TP63: variants seen among roughly 807,000 people sequenced by gnomAD.
TP63 encodes the protein tumor protein 63.
A neutral mutation model predicts 82.8 loss-of-function variants in TP63; 17 were observed. The ratio of observed to expected loss-of-function variants is 0.21; its 90% CI spans 0.14 to 0.31. The LOEUF (loss-of-function observed/expected upper bound fraction) is 0.31. TP63 is among the 10% of genes least tolerant of loss of function. The pLI, the probability that TP63 is intolerant of heterozygous loss-of-function variation, is 1.00. For missense variants in TP63, 648 were observed against 895.3 expected (o/e 0.72, Z 3.52); for synonymous variants, 330 against 321.7 (o/e 1.03, Z -0.28).
chr3:189,732,222 G>A (rs1043113716), intron 1 of TP63, among the ~76,000 whole-genome samples: 3 of 151,430 alleles, frequency 2.0e-5, no homozygotes, highest in African/African-American at 7.3e-5. Flanking sequence ...AGGATATCTG[G>A]AAACACAAGC....
intron 1 of TP63, among the ~76,000 whole-genome samples, chr3:189,677,924 C>G (rs1715587696): frequency 6.6e-6 from 1 of 151,678 alleles, no homozygotes; most frequent in Non-Finnish European, 1.5e-5. Flanking sequence ...TGTACTTTGC[C>G]CGTTTTTTCA....
the TP63 span, among the ~76,000 whole-genome samples, chr3:189,621,548 T>C: frequency 0.014 from 2,051 of 150,858 alleles, 25 homozygotes; most frequent in East Asian, 0.046. Flanking sequence ...CATATGAATA[T>C]AAGTAAATAT....
intron 1 of TP63, among the ~76,000 whole-genome samples, chr3:189,720,483 C>T (rs147239638): frequency 3.2e-4 from 48 of 152,088 alleles, no homozygotes; most frequent in African/African-American, 1.1e-3. Flanking sequence ...AGACTGAATC[C>T]CAGCACTTTG....
At chr3:189,702,937 T>C (rs1717920468) in intron 1 of TP63, among the ~76,000 whole-genome samples, 1 of 152,206 alleles carries the variant, frequency 6.6e-6, no homozygotes, top group South Asian at 2.1e-4. Context: ...GCTCAGGCAA[T>C]GTGTGCCAGG....
chr3:189,841,417 A>G (rs996056475), intron 4 of TP63, among the ~76,000 whole-genome samples: 7 of 152,224 alleles, frequency 4.6e-5, no homozygotes, highest in Admixed American at 3.9e-4. Flanking sequence ...AGTAGATGCC[A>G]TTACTCTCCA....
chr3:189,685,541 T>C (rs1433425194), intron 1 of TP63, among the ~76,000 whole-genome samples: 6 of 152,172 alleles, frequency 3.9e-5, no homozygotes, highest in Non-Finnish European at 8.8e-5. Context: ...TCATAACATA[T>C]GGTTTCCTGT....
intron 13 of TP63, among the ~76,000 whole-genome samples, chr3:189,892,609 G>A (rs563109698): frequency 9.2e-5 from 14 of 152,180 alleles, no homozygotes; most frequent in East Asian, 5.8e-4. Flanking sequence ...TGGCTAACAC[G>A]GTGAAACCCT....
chr3:189,725,918 G>C (rs1719742594), intron 1 of TP63, among the ~76,000 whole-genome samples: 1 of 152,164 alleles, frequency 6.6e-6, no homozygotes, highest in African/African-American at 2.4e-5. Context: ...AGCTGGGCGT[G>C]CTGGCACGCA....
intron 3 of TP63, among the ~76,000 whole-genome samples, chr3:189,791,466 T>C (rs1382619763): frequency 6.6e-6 from 1 of 152,122 alleles, no homozygotes; most frequent in Non-Finnish European, 1.5e-5. Flanking sequence ...ATATTGTATG[T>C]GAGAATATGG....
chr3:189,611,301 A>G, the TP63 span, among the ~76,000 whole-genome samples: 1 of 152,302 alleles, frequency 6.6e-6, no homozygotes, highest in Middle Eastern at 3.4e-3. Context: ...CCTTTAATCC[A>G]TCTTGAGTTG....
At chr3:189,674,969 T>C (rs560693954) in intron 1 of TP63, among the ~76,000 whole-genome samples, 7 of 152,292 alleles carry the variant, frequency 4.6e-5, no homozygotes, top group African/African-American at 1.4e-4. Context: ...TCAAGTGTCT[T>C]AGTCTTTTCA....
intron 4 of TP63, among the ~76,000 whole-genome samples, chr3:189,835,498 C>T (rs17447607): frequency 0.19 from 28,405 of 152,124 alleles, 3,246 homozygotes; most frequent in Non-Finnish European, 0.27. Context: ...CTCCTGGTGT[C>T]TCAGATATAA....
At chr3:189,654,418 G>T (rs577925948) in intron 1 of TP63, among the ~76,000 whole-genome samples, 19 of 152,154 alleles carry the variant, frequency 1.2e-4, no homozygotes, top group Middle Eastern at 3.4e-3. Flanking sequence ...TAATTATTTT[G>T]TTTACTGGCT....
At chr3:189,750,402 A>G (rs1294472348) in intron 3 of TP63, among the ~76,000 whole-genome samples, 1 of 152,186 alleles carries the variant, frequency 6.6e-6, no homozygotes, top group East Asian at 1.9e-4. Context: ...TCTAATGTTG[A>G]ATAGCAGAAT....
chr3:189,684,352 G>A (rs935832910), intron 1 of TP63, among the ~76,000 whole-genome samples: 7 of 152,140 alleles, frequency 4.6e-5, no homozygotes, highest in African/African-American at 1.7e-4. Flanking sequence ...GTGGACATCT[G>A]AACAGAGAGT....
the TP63 span, among the ~76,000 whole-genome samples, chr3:189,626,154 T>G: frequency 7.2e-5 from 11 of 152,248 alleles, no homozygotes; most frequent in South Asian, 2.1e-4. Context: ...AGGCCCAGCT[T>G]TACTCCTAAT....
At chr3:189,787,686 A>C (rs924808141) in intron 3 of TP63, among the ~76,000 whole-genome samples, 1 of 152,050 alleles carries the variant, frequency 6.6e-6, no homozygotes, top group African/African-American at 2.4e-5. Flanking sequence ...TGGGACCCTG[A>C]GCCTTAGATT....
In TP63 at chr3:189,838,967, A is replaced by C. The variant is rs904756858; in HGVS notation, c.580-25265A>C. Among the ~76,000 whole-genome samples the C allele has an allele frequency of 2.7e-5, 4 of 149,494 alleles. 1 individual carries two copies. Among genetic ancestry groups the C allele is most frequent in the Non-Finnish European group, 5.9e-5 (4 of 67,608 alleles). ...GGACAGCTGTAGTTGAAGGGACCTTAAAGTCCCTTAAACTTCTCAGCATTT... is the reference window on the plus strand; with the variant it reads ...GGACAGCTGTAGTTGAAGGGACCTTCAAGTCCCTTAAACTTCTCAGCATTT... On this transcript the variant is annotated intron_variant, in intron 4 of 13. Transcript: ENST00000264731.
intron 3 of TP63, among the ~76,000 whole-genome samples, chr3:189,742,344 A>T (rs1345791305): frequency 6.6e-6 from 1 of 151,980 alleles, no homozygotes; most frequent in Non-Finnish European, 1.5e-5. Context: ...TGAGGTAGAT[A>T]ATAATATTAA....
Sources: allele counts gnomAD v4.1 joint callset (sites outside exome capture counted in the v4.1 genomes callset), GRCh38; gene constraint gnomAD v4.1.1; transcripts MANE v1.5; gene names NCBI Gene and HGNC (gene_info 2026-07-23, HGNC 2026-07-21).